Variants in PBDC1 observed in about 807,000 individuals in gnomAD.
The protein encoded by PBDC1 is polysaccharide biosynthesis domain containing 1.
A neutral mutation model predicts 12.0 loss-of-function variants in PBDC1; 3 were observed. The ratio of observed to expected loss-of-function variants is 0.25; its 90% CI spans 0.11 to 0.64. The LOEUF is 0.64. PBDC1 is among the 30% of genes least tolerant of loss of function. The pLI is 0.84. For synonymous variants in PBDC1, 64 were observed against 56.4 expected, an observed-to-expected ratio of 1.13 and a Z score of -0.60; for missense variants, 162 against 168.1, an observed-to-expected ratio of 0.96 and a Z score of 0.20.
At chrX:76,173,356 GA>G (rs1267552874) in intron 1 of PBDC1, among the ~76,000 whole-genome samples, 188 bp downstream of exon 1, 3 of 111,191 alleles carry the variant, frequency 2.7e-5, no homozygotes, top group African/African-American at 6.5e-5. Flanking sequence ...GAGGAGCTGG[GA>G]CTACAGGCCC....
At chrX:76,173,330 C>T (rs1440836450) in intron 1 of PBDC1, among the ~76,000 whole-genome samples, 162 bp downstream of exon 1, 1 of 111,106 alleles carries the variant, frequency 9.0e-6, no homozygotes, top group Non-Finnish European at 1.9e-5. Flanking sequence ...AGATCTTCCG[C>T]CCACCTCATC....
chrX:76,173,269 G>A (rs968182203), intron 1 of PBDC1, 101 bp downstream of exon 1: 1 of 762,000 alleles, frequency 1.3e-6, no homozygotes, highest in Non-Finnish European at 1.9e-6. Flanking sequence ...CGCCCAGGCT[G>A]GAGTGCAGTG....
intron 4 of PBDC1, 29 bp from the exon 5 acceptor site, chrX:76,176,852 C>T (rs782319166): frequency 2.0e-6 from 2 of 1,011,587 alleles, no homozygotes; most frequent in South Asian, 1.9e-5. Flanking sequence ...TTGCATTTGT[C>T]AGCTAAAGCA....
chrX:76,177,475 A>C lies in PBDC1; in HGVS notation c.410-141A>C. The C allele has an allele frequency of 7.8e-6, 4 of 511,061 alleles. No homozygotes were observed. The South Asian group carries it at 1.5e-4, about 19-fold the overall frequency. The allele number at this position is 511,061 out of a possible 1,213,427, so 42.1% of individuals were successfully genotyped here. On this transcript the variant is annotated intron_variant, in intron 5 of 5. Transcript: ENST00000373358. ...TTGAGGCAGGAGGATTGCTTGAACC[A>C]GGGAAATTGAGGCTGCAGTAAGCTG... is the stretch of plus-strand genomic sequence containing the variant.
intron 1 of PBDC1, among the ~76,000 whole-genome samples, chrX:76,173,377 C>G (rs1347051134): frequency 2.7e-5 from 3 of 111,098 alleles, no homozygotes; most frequent in African/African-American, 9.8e-5. Context: ...CGTGCCACCA[C>G]GCCCAGCTAC....
At chrX:76,174,544 A>G (rs1358088529) in intron 2 of PBDC1, among the ~76,000 whole-genome samples, 2 of 112,180 alleles carry the variant, frequency 1.8e-5, no homozygotes, top group Non-Finnish European at 3.8e-5. Context: ...CCAACAACTC[A>G]GTGGAATTGA....
chrX:76,175,905 G>A (rs1235933446), intron 4 of PBDC1, among the ~76,000 whole-genome samples: 1 of 111,127 alleles, frequency 9.0e-6, no homozygotes, highest in Non-Finnish European at 1.9e-5. Context: ...TAGCCAGAAG[G>A]CTTGGATGGG....
chrX:76,174,597 G>A (rs1556796744), intron 2 of PBDC1, among the ~76,000 whole-genome samples: 1 of 112,264 alleles, frequency 8.9e-6, no homozygotes, highest in Non-Finnish European at 1.9e-5. Flanking sequence ...ACTCAATCCT[G>A]AGAAGGTGAT....
chrX:76,173,211 C>T, intron 1 of PBDC1, 43 bp downstream of exon 1: 1 of 1,080,760 alleles, frequency 9.3e-7, no homozygotes, highest in South Asian at 2.2e-5. Flanking sequence ...GAGGTCGAGC[C>T]AGGTGGAGCC....
At position 76,175,465 on chromosome X, in the gene PBDC1, T is replaced by C; in HGVS notation, c.157-8T>C. ...CTAGCATCTGTATGTTGTCTTACTGTTTCGCAGCTGATTTCATCAGTTGAC... is the reference window on the plus strand; with the variant it reads ...CTAGCATCTGTATGTTGTCTTACTGCTTCGCAGCTGATTTCATCAGTTGAC... On this transcript the variant is annotated splice_polypyrimidine_tract_variant and splice_region_variant and intron_variant, in intron 3 of 5. Transcript: ENST00000373358. 1 of 1,205,918 alleles carries C rather than the reference T, an allele frequency of 8.3e-7. No individual in the cohort carries two copies. The highest frequency in any genetic ancestry group is 1.1e-6 in the Non-Finnish European group (1 of 890,678).
chrX:76,178,065 C>T lies in PBDC1; in HGVS notation c.*157C>T, dbSNP rs782362053. The T allele has an allele frequency of 1.0e-6, 1 of 979,811 alleles. No individual in the cohort carries two copies. Among genetic ancestry groups the T allele is most frequent in the African/African-American group, 2.0e-5 (1 of 51,108 alleles). The allele number at this position is 979,811 out of a possible 1,213,427, so 80.7% of individuals were successfully genotyped here. A position where few individuals can be genotyped will look rare whatever the true frequency, so the allele number is the denominator to read the frequency against. ...TCTAGTCTAACAGTCAGGAGCTGCTCTGGTCATTCCCTTGTATGAACTGGT... is the reference window on the plus strand; with the variant it reads ...TCTAGTCTAACAGTCAGGAGCTGCTTTGGTCATTCCCTTGTATGAACTGGT... On this transcript the variant is annotated 3_prime_UTR_variant, in exon 6 of 6. Transcript: ENST00000373358.
At chrX:76,176,407 G>T (rs782424507) in intron 4 of PBDC1, among the ~76,000 whole-genome samples, 154 of 111,194 alleles carry the variant, frequency 1.4e-3, no homozygotes, top group Non-Finnish European at 2.6e-3. Context: ...CGCCCGCCTC[G>T]GTCTTTCAAA....
In PBDC1 at chrX:76,177,974, T is replaced by C. The variant is rs1429361036; in HGVS notation, c.*66T>C. On this transcript the variant is annotated 3_prime_UTR_variant, in exon 6 of 6. Transcript: ENST00000373358. The stretch of plus-strand genomic sequence containing the variant: ...GAGACTACAAGTACCACGGTGCTAC[T>C]TGCACAGACCCCTTTGGTTAAATGT... 2.3e-5 allele frequency: 27 copies of C among 1,189,062 alleles called. No homozygotes were observed. Among genetic ancestry groups the C allele is most frequent in the Non-Finnish European group, 2.5e-5 (22 of 887,398 alleles).
rs782769067 is a variant in PBDC1, at chrX:76,173,144, G to C, written c.6G>C (p.Ala2=). The change falls in exon 1 of 6, where the codon GCG becomes GCC. Residue 2 remains alanine, a synonymous_variant. Transcript: ENST00000373358. M[A]ATSGTDEPVS... ...ACGCTTTCGGGGGTTGCAAGATGGC[G>C]GCCACCAGTGGAACTGATGAGCCGG... is the stretch of plus-strand genomic sequence containing the variant. The C allele has an allele frequency of 3.4e-6, 4 of 1,179,003 alleles. No homozygotes were observed. Among genetic ancestry groups the C allele is most frequent in the Non-Finnish European group, 4.6e-6 (4 of 878,591 alleles).
chrX:76,175,670 G>A (rs782511107), intron 4 of PBDC1, 57 bp downstream of exon 4: 37 of 958,056 alleles, frequency 3.9e-5, no homozygotes, highest in African/African-American at 4.0e-5. Flanking sequence ...TTTTGATTGC[G>A]AATGTTTTTT....
Position 76,178,310 on chromosome X carries a change from G to A in PBDC1, c.*402G>A. The A allele has an allele frequency of 5.3e-6, 1 of 189,223 alleles. No individual in the cohort carries two copies. 15.6% of individuals were successfully genotyped at this position (189,223 alleles called of 1,213,427 possible). A position where few individuals can be genotyped will look rare whatever the true frequency, so the allele number is the denominator to read the frequency against. ...AGATAATTTACTCCTGTTTCTTACT[G>A]CTTCTCACTGTTTCCTGTAGTGAAG... On this transcript the variant is annotated 3_prime_UTR_variant, in exon 6 of 6. Coordinates refer to ENST00000373358, the MANE Select transcript of PBDC1 (RefSeq NM_016500.5).
intron 3 of PBDC1, 94 bp downstream of exon 3, chrX:76,175,043 T>G: frequency 1.4e-6 from 1 of 726,377 alleles, no homozygotes; most frequent in African/African-American, 2.1e-5. Flanking sequence ...GTTAAACAGT[T>G]GTGTTTTGGA....
rs369977828 is a variant in PBDC1 at position 76,173,709 on chromosome X, C to T, written c.96+59C>T. On this transcript the variant is annotated intron_variant, in intron 2 of 5. Transcript: ENST00000373358. ...CAGCTAGCCTGGGATCTCTGCAGGA[C>T]CTGCCTGCCACTAAGTTATAACTTC... is the stretch of plus-strand genomic sequence containing the variant. 1.1e-5 allele frequency: 9 copies of T among 793,805 alleles called. No homozygotes were observed. In the African/African-American group the frequency reaches 1.7e-4, roughly 15 times the overall value. The allele number at this position is 793,805 out of a possible 1,213,427, so 65.4% of individuals were successfully genotyped here.
Position 76,176,015 on chromosome X carries a change from T to G in PBDC1, c.297+402T>G, listed in dbSNP as rs1924780121. Reference sequence around the variant, plus strand: ...CTGGAAAACTTTTGTTTTTCATTGCTTATGTGATTATCCTATACTTTGATA... The same window carrying G: ...CTGGAAAACTTTTGTTTTTCATTGCGTATGTGATTATCCTATACTTTGATA... On this transcript the variant is annotated intron_variant, in intron 4 of 5. Transcript: ENST00000373358. Among the ~76,000 whole-genome samples, 3 of 112,339 alleles carry G rather than the reference T, an allele frequency of 2.7e-5. No homozygotes were observed. In the South Asian group the frequency reaches 1.1e-3, roughly 42 times the overall value.
Sources: gnomAD v4.1 joint callset for allele counts (sites outside exome capture counted in the v4.1 genomes callset) on GRCh38, gnomAD v4.1.1 for gene constraint, MANE v1.5 for transcripts, NCBI Gene and HGNC (gene_info 2026-07-23, HGNC 2026-07-21) for gene names.